ACACA: variants seen among roughly 807,000 people sequenced by gnomAD.
ACACA encodes acetyl-CoA carboxylase 1.
A neutral mutation model predicts 296.1 loss-of-function variants in ACACA; 103 were observed. The ratio of observed to expected loss-of-function variants is 0.35; its 90% CI spans 0.30 to 0.41. The LOEUF (loss-of-function observed/expected upper bound fraction) is 0.41. Among genes scored for constraint, ACACA ranks in the 10% least tolerant of loss-of-function variants. ACACA has a pLI of 1.00. For missense variants in ACACA, 1,554 were observed against 2,989.7 expected (o/e 0.52, Z 11.20); for synonymous variants, 953 against 1,038.6 (o/e 0.92, Z 1.58).
intron 1 of ACACA, among the ~76,000 whole-genome samples, chr17:37,374,567 G>A (rs1489885745): frequency 5.3e-5 from 8 of 152,108 alleles, no homozygotes; most frequent in Admixed American, 4.6e-4. Context: ...GATTACAGGC[G>A]TGAGCCACCG....
In ACACA at chr17:37,252,038, T is replaced by C; in HGVS notation, c.2048A>G (p.Asn683Ser). The C allele has an allele frequency of 6.2e-7, 1 of 1,614,196 alleles. No homozygotes were observed. Among genetic ancestry groups the C allele is most frequent in the Non-Finnish European group, 8.5e-7 (1 of 1,180,028 alleles). ...ALHVADVSLR[N>S]SVSNFLHSLE... is the part of the protein sequence containing the mutation. Reference sequence around the variant, plus strand: ...GGAGTGAAGGAAGTTAGAGACGCTATTCCGCAGGCTCACATCTGCCACGTG... The same window carrying C: ...GGAGTGAAGGAAGTTAGAGACGCTACTCCGCAGGCTCACATCTGCCACGTG... Residue 683 changes from asparagine to serine, a missense_variant, in exon 16 of 56, where the codon AAT (asparagine) becomes AGT (serine). Around this residue, in one of 16 missense-constraint regions of ACACA, gnomAD observed 316 missense variants for 540.9 expected, o/e 0.58. Transcript: ENST00000616317.
chr17:37,085,314 T>C lies in ACACA; in HGVS notation c.*2002A>G, dbSNP rs1167726795. ...AGCTCTGGGGATGGGGGAGGAGGCATTACAGGGTTCTAGAGAGGAAACATA... is the reference window on the plus strand; with the variant it reads ...AGCTCTGGGGATGGGGGAGGAGGCACTACAGGGTTCTAGAGAGGAAACATA... On this transcript the variant is annotated 3_prime_UTR_variant, in exon 56 of 56. Coordinates refer to ENST00000616317, the MANE Select transcript of ACACA (RefSeq NM_198834.3). The C allele has an allele frequency of 5.3e-5, 15 of 281,724 alleles. No homozygotes were observed. Among genetic ancestry groups the C allele is most frequent in the Non-Finnish European group, 8.5e-5 (13 of 152,824 alleles). 17.5% of individuals were successfully genotyped at this position (281,724 alleles called of 1,614,324 possible). A position where few individuals can be genotyped will look rare whatever the true frequency, so the allele number is the denominator to read the frequency against.
chr17:37,145,972 T>A (rs1309789374), intron 45 of ACACA, among the ~76,000 whole-genome samples: 1 of 152,076 alleles, frequency 6.6e-6, no homozygotes, highest in East Asian at 1.9e-4. Context: ...GGGAAAAGGA[T>A]AAAAATACGA....
At chr17:37,165,384 A>G (rs767581180) in intron 41 of ACACA, among the ~76,000 whole-genome samples, 1 of 152,172 alleles carries the variant, frequency 6.6e-6, no homozygotes, top group Non-Finnish European at 1.5e-5. Context: ...TATATTAACT[A>G]ACTGTGTGAT....
intron 3 of ACACA, chr17:37,328,848 A>G (rs2047733662): frequency 2.5e-6 from 1 of 398,552 alleles, no homozygotes; most frequent in Non-Finnish European, 4.4e-6. Context: ...CCTTAAAAAA[A>G]AGCCCCAGTT....
intron 1 of ACACA, among the ~76,000 whole-genome samples, chr17:37,381,064 T>C (rs1400081834): frequency 6.6e-6 from 1 of 152,076 alleles, no homozygotes; most frequent in Non-Finnish European, 1.5e-5. Context: ...CTTCCGGAGA[T>C]ACTCTAAGAA....
rs1328287537 is a variant in ACACA at position 37,314,196 on chromosome 17, G to A, written c.338+15977C>T. Among the ~76,000 whole-genome samples the A allele has an allele frequency of 4.7e-5, 7 of 149,476 alleles. No individual in the cohort carries two copies. In the South Asian group the frequency reaches 6.3e-4, roughly 13 times the overall value. On this transcript the variant is annotated intron_variant, in intron 3 of 55. Transcript: ENST00000616317. ...TGGCTCACTGCAAGCTCTGCCTCAC[G>A]GGTTCACACTATTCTGCCTCAGCCT...
intron 41 of ACACA, among the ~76,000 whole-genome samples, chr17:37,172,522 A>G (rs1401740878): frequency 6.6e-6 from 1 of 152,222 alleles, no homozygotes; most frequent in Non-Finnish European, 1.5e-5. Context: ...AGATCATTTT[A>G]GACAAAGACT....
At chr17:37,099,664 A>AGGGAGGGCTGATGGC (rs1484994959) in intron 52 of ACACA, among the ~76,000 whole-genome samples, 459 of 113,366 alleles carry the variant, frequency 4.0e-3, no homozygotes, top group Non-Finnish European at 6.1e-3. Flanking sequence ...GGGCTGATGG[A>AGGGAGGGCTGATGGC]GGGAGGGCTG....
intron 3 of ACACA, among the ~76,000 whole-genome samples, chr17:37,317,408 A>G (rs1218223527): frequency 6.6e-6 from 1 of 152,198 alleles, no homozygotes; most frequent in Non-Finnish European, 1.5e-5. Flanking sequence ...TCTACTAAAA[A>G]TACAAAAATT....
At chr17:37,337,476 C>T (rs1309530539) in intron 2 of ACACA, among the ~76,000 whole-genome samples, 1 of 150,734 alleles carries the variant, frequency 6.6e-6, no homozygotes, top group Non-Finnish European at 1.5e-5. Flanking sequence ...TTTTTAGAGG[C>T]AGGGTCTTGC....
intron 1 of ACACA, chr17:37,345,137 T>C: frequency 6.6e-6 from 1 of 152,562 alleles, no homozygotes; most frequent in Non-Finnish European, 1.5e-5. Flanking sequence ...CACCACAACC[T>C]CTGCCTCCCA....
rs532765746 is a variant in ACACA at position 37,391,148 on chromosome 17, T to C, written c.38+15114A>G. 2.6e-5 allele frequency among the ~76,000 whole-genome samples: 4 copies of C among 152,042 alleles called. No individual in the cohort carries two copies. The South Asian group carries it at 8.3e-4, about 32-fold the overall frequency. The stretch of plus-strand genomic sequence containing the variant: ...AGCTACTCAGGAGGCTGAGGCAGGA[T>C]AATCGCTTGAACCCGGGAGGCACAG... On this transcript the variant is annotated intron_variant, in intron 1 of 55. Transcript: ENST00000616317.
At chr17:37,149,240 C>G (rs2075941221) in intron 45 of ACACA, among the ~76,000 whole-genome samples, 3 of 152,190 alleles carry the variant, frequency 2.0e-5, no homozygotes, top group Admixed American at 1.3e-4. Flanking sequence ...CCCAGTAACC[C>G]ATCCATGCAT....
intron 21 of ACACA, among the ~76,000 whole-genome samples, chr17:37,244,103 C>T (rs576237957): frequency 6.6e-6 from 1 of 152,076 alleles, no homozygotes; most frequent in African/African-American, 2.4e-5. Context: ...TGGCTCACGC[C>T]TATAATCCCA....
rs1326365774 is a variant in ACACA at position 37,161,933 on chromosome 17, C to T, written c.5197G>A (p.Asp1733Asn). Residue 1733 changes from aspartate (D) to asparagine (N), a missense_variant, in exon 42 of 56, where the codon GAT (aspartate) becomes AAT (asparagine). Asp to Asn is a conservative substitution (Grantham distance 23, BLOSUM62 1). Around this residue, in one of 16 missense-constraint regions of ACACA, gnomAD observed 553 missense variants for 1,043.6 expected, o/e 0.53. Transcript: ENST00000616317. ...YRIGSFGPQE[D>N]LLFLRASELA... ...TCGGAAGCTCTGAGAAATAACAAATCCTCTTGAGGCCCAAAGGACCCAATT... is the reference window on the plus strand; with the variant it reads ...TCGGAAGCTCTGAGAAATAACAAATTCTCTTGAGGCCCAAAGGACCCAATT... The T allele has an allele frequency of 6.2e-7, 1 of 1,614,060 alleles. No homozygotes were observed. Among genetic ancestry groups the T allele is most frequent in the African/African-American group, 1.3e-5 (1 of 74,916 alleles).
At chr17:37,144,248 G>T in intron 45 of ACACA, 1 of 690,052 alleles carries the variant, frequency 1.4e-6, no homozygotes, top group South Asian at 1.4e-5. Context: ...AAATGCGTAT[G>T]ACAACATCTT....
intron 24 of ACACA, among the ~76,000 whole-genome samples, chr17:37,239,159 CT>C (rs1184157640): frequency 6.6e-6 from 1 of 151,972 alleles, no homozygotes; most frequent in Non-Finnish European, 1.5e-5. Context: ...TCCTGAACTG[CT>C]TTTCTAAACA....
chr17:37,119,043 G>GC (rs2074392367), intron 50 of ACACA, among the ~76,000 whole-genome samples: 2 of 152,054 alleles, frequency 1.3e-5, no homozygotes, highest in South Asian at 2.1e-4. Context: ...TTCTCAGTGG[G>GC]CCCCCCACAA....
Sources: gnomAD v4.1 joint callset for allele counts (sites outside exome capture counted in the v4.1 genomes callset) on GRCh38, gnomAD v4.1.1 for gene constraint, gnomAD v4.1.1 regional missense constraint, MANE v1.5 for transcripts, NCBI Gene and HGNC (gene_info 2026-07-23, HGNC 2026-07-21) for gene names.